Variants in ADAT3 observed in about 807,000 individuals in gnomAD.
ADAT3 encodes tRNA-specific adenosine-34 deaminase regulatory subunit ADAT3.
Under a neutral mutation model 3.5 loss-of-function variants are expected in ADAT3, and 2 were observed. That is an observed-to-expected ratio of 0.57 (90% CI 0.23 to 1.79). The LOEUF is 1.79. ADAT3 is among the 40% of genes most tolerant of loss of function. ADAT3 has a pLI of 0.18. For missense variants in ADAT3, 735 were observed against 571.4 expected (o/e 1.29, Z -2.92); for synonymous variants, 358 against 270.3 (o/e 1.32, Z -3.18).
rs2013477084 is a variant in ADAT3, at chr19:1,912,009, G to A, written c.-39G>A. 13 of 1,414,564 alleles carry A rather than the reference G, an allele frequency of 9.2e-6. No individual in the cohort carries two copies. The highest frequency in any genetic ancestry group is 1.2e-5 in the Non-Finnish European group (13 of 1,091,162). 87.6% of individuals were successfully genotyped at this position (1,414,564 alleles called of 1,614,324 possible). A position where few individuals can be genotyped will look rare whatever the true frequency, so the allele number is the denominator to read the frequency against. ...TTGTGGAGCCACGGCCTCCCGGGAC[G>A]GACTCCCCGGCTCTCCCCCAGCCGC... On this transcript the variant is annotated 5_prime_UTR_variant, in exon 2 of 2. Coordinates refer to ENST00000329478, the MANE Select transcript of ADAT3 (RefSeq NM_138422.4).
chr19:1,910,603 A>T (rs2013391739), intron 1 of ADAT3, among the ~76,000 whole-genome samples: 1 of 134,576 alleles, frequency 7.4e-6, no homozygotes, highest in Non-Finnish European at 1.5e-5. Context: ...TTTGAGACAG[A>T]GTCTCGCTCT....
intron 1 of ADAT3, among the ~76,000 whole-genome samples, chr19:1,909,044 G>A (rs1599232937): frequency 6.6e-6 from 1 of 151,496 alleles, no homozygotes; most frequent in South Asian, 2.1e-4. Flanking sequence ...AGTGGAGGTT[G>A]CAGTGAGCTG....
chr19:1,913,182 G>T lies in ADAT3; in HGVS notation c.*31G>T. ...GCCCTCCTGCCTCCGGACCCTTCCCGCTCCCGGCCGTGGGGCGCCCCTCCT... is the reference window on the plus strand; with the variant it reads ...GCCCTCCTGCCTCCGGACCCTTCCCTCTCCCGGCCGTGGGGCGCCCCTCCT... On this transcript the variant is annotated 3_prime_UTR_variant, in exon 2 of 2. Transcript: ENST00000329478. 2.0e-6 allele frequency: 3 copies of T among 1,478,688 alleles called. No individual in the cohort carries two copies. The highest frequency in any genetic ancestry group is 1.4e-5 in the South Asian group (1 of 73,716). 91.6% of individuals were successfully genotyped at this position (1,478,688 alleles called of 1,614,324 possible).
At position 1,912,891 on chromosome 19, in the gene ADAT3, C is replaced by G; in HGVS notation, c.844C>G (p.Arg282Gly). ...APQAVRAGAV[R>G]KLDADEDGLP... is the part of the protein sequence containing the mutation. ...CCAGGCCGTCCGCGCAGGCGCCGTG[C>G]GTAAACTGGACGCAGACGAGGACGG... The change falls in exon 2 of 2, where the codon CGT becomes GGT. Residue 282 changes from arginine to glycine, a missense_variant. By Grantham distance (125) the Arg-to-Gly change is moderately radical (BLOSUM62 -2). Transcript: ENST00000329478. 6.2e-7 allele frequency: 1 copy of G among 1,607,226 alleles called. No homozygotes were observed. The highest frequency in any genetic ancestry group is 8.5e-7 in the Non-Finnish European group (1 of 1,179,166).
chr19:1,905,877 C>G (rs1236104308), intron 1 of ADAT3: 1 of 152,274 alleles, frequency 6.6e-6, no homozygotes, highest in Middle Eastern at 3.2e-3. Flanking sequence ...TGTGGAGATT[C>G]CCCTAGGCCT....
At chr19:1,907,765 G>A (rs1451635558) in intron 1 of ADAT3, among the ~76,000 whole-genome samples, 2 of 152,130 alleles carry the variant, frequency 1.3e-5, no homozygotes, top group Non-Finnish European at 2.9e-5. Context: ...GTGGTCGGTC[G>A]CCTGCCTTCT....
In ADAT3 at chr19:1,908,796, A is replaced by G. The variant is rs768045947; in HGVS notation, c.-158-3094A>G. On this transcript the variant is annotated intron_variant, in intron 1 of 1. Transcript: ENST00000329478. This position sits in a 1 kb window ranked among gnomAD's most constrained non-coding sequence, Gnocchi z 4.2. ...CTACATGTGCACACCACCGTGCCCA[A>G]CTAATTTATACTTTTAAGCAATGTG... Among the ~76,000 whole-genome samples, 6 of 152,118 alleles carry G rather than the reference A, an allele frequency of 3.9e-5. No homozygotes were observed. The highest frequency in any genetic ancestry group is 8.8e-5 in the Non-Finnish European group (6 of 68,028).
At position 1,908,428 on chromosome 19, in the gene ADAT3, G is replaced by A. The variant is rs549897909; in HGVS notation, c.-159+2989G>A. 34 of 463,992 alleles carry A rather than the reference G, an allele frequency of 7.3e-5. No homozygotes were observed. The highest frequency in any genetic ancestry group is 3.7e-4 in the South Asian group (24 of 64,072). 28.7% of individuals were successfully genotyped at this position (463,992 alleles called of 1,614,324 possible). On this transcript the variant is annotated intron_variant, in intron 1 of 1. Transcript: ENST00000329478. This position sits in a 1 kb window ranked among gnomAD's most constrained non-coding sequence, Gnocchi z 4.2. ...AGGCGTGGACCAGGCAGTGCATGTC[G>A]AGGAGTAGCACCCACAGCTGCGCGG...
chr19:1,906,706 G>C (rs1277257448), intron 1 of ADAT3: 3 of 152,082 alleles, frequency 2.0e-5, no homozygotes, highest in East Asian at 1.9e-4. Context: ...AAAAAGCCAG[G>C]CATGGTGGTG....
chr19:1,912,202 A>G lies in ADAT3; in HGVS notation c.155A>G (p.Gln52Arg). 6.3e-7 allele frequency: 1 copy of G among 1,589,446 alleles called. No individual in the cohort carries two copies. Among genetic ancestry groups the G allele is most frequent in the South Asian group, 1.1e-5 (1 of 87,936 alleles). The change falls in exon 2 of 2, where the codon CAG becomes CGG. Residue 52 changes from glutamine to arginine, a missense_variant. By Grantham distance (43) the Gln-to-Arg change is conservative. Coordinates refer to ENST00000329478, the MANE Select transcript of ADAT3 (RefSeq NM_138422.4). Reference sequence around the variant, plus strand: ...GCCCTCCCTGTCCTGTCCGAGAAGCAGTCAGGGGACGTGGAGCTGGTGCTG... The same window carrying G: ...GCCCTCCCTGTCCTGTCCGAGAAGCGGTCAGGGGACGTGGAGCTGGTGCTG... ...WQALPVLSEK[Q>R]SGDVELVLAY...
rs746742994 is a variant in ADAT3 at position 1,912,298 on chromosome 19, C to G, written c.251C>G (p.Pro84Arg). The change falls in exon 2 of 2, where the codon CCG becomes CGG. Residue 84 changes from proline to arginine, a missense_variant. Coordinates refer to ENST00000329478, the MANE Select transcript of ADAT3 (RefSeq NM_138422.4). The part of the protein sequence containing the change: ...RLLKEVSALH[P>R]LPAQPHLKRV... ...CTGAAGGAGGTGTCGGCCCTGCACC[C>G]GCTCCCCGCCCAGCCTCACCTCAAG... 380 of 1,564,890 alleles carry G rather than the reference C, an allele frequency of 2.4e-4. No homozygotes were observed. Among genetic ancestry groups the G allele is most frequent in the Non-Finnish European group, 3.1e-4 (362 of 1,161,226 alleles).
chr19:1,911,118 G>T (rs1599237392), intron 1 of ADAT3, among the ~76,000 whole-genome samples: 1 of 151,976 alleles, frequency 6.6e-6, no homozygotes, highest in South Asian at 2.1e-4. Context: ...CTTGTGATCC[G>T]CCTGCCTCGG....
In ADAT3 at chr19:1,910,779, G is replaced by A. The variant is rs1454805868; in HGVS notation, c.-158-1111G>A. Among the ~76,000 whole-genome samples the A allele has an allele frequency of 1.6e-4, 24 of 151,724 alleles. 1 individual carries two copies. Among genetic ancestry groups the A allele is most frequent in the Admixed American group, 1.6e-3 (24 of 15,198 alleles). Reference sequence around the variant, plus strand: ...TTTAGTAGAGATGGGGTTTCACCATGTTGGTCAGGCTGGTCTCGATCTCGT... The same window carrying A: ...TTTAGTAGAGATGGGGTTTCACCATATTGGTCAGGCTGGTCTCGATCTCGT... On this transcript the variant is annotated intron_variant, in intron 1 of 1. Transcript: ENST00000329478.
At chr19:1,909,799 C>T (rs968655748) in intron 1 of ADAT3, among the ~76,000 whole-genome samples, 9 of 152,214 alleles carry the variant, frequency 5.9e-5, no homozygotes, top group Non-Finnish European at 1.2e-4. Context: ...CCAGTGGCTG[C>T]CTGCTCCACC....
chr19:1,910,156 C>T (rs933656326), intron 1 of ADAT3, among the ~76,000 whole-genome samples: 4 of 152,204 alleles, frequency 2.6e-5, no homozygotes, highest in Non-Finnish European at 4.4e-5. Context: ...TGTGACATGG[C>T]TGGCTCCTCT....
chr19:1,913,298 TC>T lies in ADAT3; in HGVS notation c.*149del, dbSNP rs879612081. ...CCAGCGGGGAGCACGGGTGCTGCCTTCCGTGCGGATCGAGCTTTCCTGGACT... is the reference window on the plus strand; with the variant it reads ...CCAGCGGGGAGCACGGGTGCTGCCTTCGTGCGGATCGAGCTTTCCTGGACT... On this transcript the variant is annotated 3_prime_UTR_variant, in exon 2 of 2. Coordinates refer to ENST00000329478, the MANE Select transcript of ADAT3 (RefSeq NM_138422.4). 2 of 1,219,022 alleles carry T rather than the reference TC, an allele frequency of 1.6e-6. No individual in the cohort carries two copies. Among genetic ancestry groups the T allele is most frequent in the Non-Finnish European group, 2.2e-6 (2 of 894,584 alleles). The allele number at this position is 1,219,022 out of a possible 1,614,324, so 75.5% of individuals were successfully genotyped here. A position where few individuals can be genotyped will look rare whatever the true frequency, so the allele number is the denominator to read the frequency against.
chr19:1,909,803 C>T (rs1292465640), intron 1 of ADAT3, among the ~76,000 whole-genome samples: 1 of 152,212 alleles, frequency 6.6e-6, no homozygotes, highest in Admixed American at 6.5e-5. Flanking sequence ...TGGCTGCCTG[C>T]TCCACCCGAC....
chr19:1,909,167 G>A (rs550134810), intron 1 of ADAT3, among the ~76,000 whole-genome samples: 56 of 152,224 alleles, frequency 3.7e-4, no homozygotes, highest in African/African-American at 1.3e-3. Flanking sequence ...TCAGGCCTGC[G>A]GTGCGAGTCT....
rs750533491 is a variant in ADAT3, at chr19:1,912,848, C to T, written c.801C>T (p.Phe267=). Residue 267 remains phenylalanine, a synonymous_variant, in exon 2 of 2, where the codon TTC becomes TTT. Transcript: ENST00000329478. ...TCAGACCCTTCCCCGCCTGCTCCTT[C>T]GCCCCGGCCGCTGCCCCCCAGGCCG... The part of the protein sequence containing the change: ...YDFRPFPACS[F]APAAAPQAVR... 19 of 1,595,618 alleles carry T rather than the reference C, an allele frequency of 1.2e-5. No individual in the cohort carries two copies. The highest frequency in any genetic ancestry group is 2.2e-5 in the East Asian group (1 of 44,596).
Sources: allele counts gnomAD v4.1 joint callset (sites outside exome capture counted in the v4.1 genomes callset), GRCh38; gene constraint gnomAD v4.1.1; non-coding constraint Gnocchi (gnomAD v3.1); transcripts MANE v1.5; gene names NCBI Gene and HGNC (gene_info 2026-07-23, HGNC 2026-07-21).